Variants in PBX3 observed in about 807,000 individuals in gnomAD.
PBX3 encodes the protein PBX homeobox 3.
In PBX3, 14 loss-of-function variants were observed where a neutral mutation model predicts 48.5. The observed-to-expected ratio is 0.29, with a 90% CI of 0.19 to 0.45. The LOEUF is 0.45. Among genes scored for constraint, PBX3 ranks in the 20% least tolerant of loss-of-function variants. The pLI is 1.00. For synonymous variants in PBX3, 210 were observed against 200.3 expected (o/e 1.05, Z -0.41); for missense variants, 386 against 546.7 (o/e 0.71, Z 2.93).
chr9:125,754,820 T>C (rs1340089967), intron 2 of PBX3, among the ~76,000 whole-genome samples: 2 of 144,704 alleles, frequency 1.4e-5, no homozygotes, highest in East Asian at 3.8e-4. Flanking sequence ...TGAATTGGCG[T>C]AACTTTTTTT....
intron 5 of PBX3, among the ~76,000 whole-genome samples, chr9:125,947,846 T>G (rs1842098470): frequency 6.6e-6 from 1 of 152,172 alleles, no homozygotes; most frequent in South Asian, 2.1e-4. Context: ...AAAGAAAGTT[T>G]GTGTTGATCT....
At chr9:125,925,406 A>C (rs1315051105) in intron 3 of PBX3, among the ~76,000 whole-genome samples, 1 of 152,142 alleles carries the variant, frequency 6.6e-6, no homozygotes, top group Non-Finnish European at 1.5e-5. Context: ...AGTACAAAAA[A>C]GGAATGAAAT....
At chr9:125,888,673 ACTG>A (rs1741554516) in intron 2 of PBX3, among the ~76,000 whole-genome samples, 1 of 152,138 alleles carries the variant, frequency 6.6e-6, no homozygotes, top group Non-Finnish European at 1.5e-5. Context: ...CATTAATGAA[ACTG>A]GTAATTAATT....
At chr9:125,926,317 C>T (rs1435316741) in intron 3 of PBX3, among the ~76,000 whole-genome samples, 3 of 151,546 alleles carry the variant, frequency 2.0e-5, no homozygotes, top group Admixed American at 6.6e-5. Context: ...GTCAGGAGTT[C>T]GAGACCAGCC....
chr9:125,922,621 T>C (rs1841480673), intron 3 of PBX3, among the ~76,000 whole-genome samples: 1 of 152,228 alleles, frequency 6.6e-6, no homozygotes, highest in African/African-American at 2.4e-5. Flanking sequence ...TAAGATATGA[T>C]AAATGTTTGA....
At chr9:125,861,657 T>C (rs988346196) in intron 2 of PBX3, among the ~76,000 whole-genome samples, 4 of 152,348 alleles carry the variant, frequency 2.6e-5, no homozygotes, top group African/African-American at 9.6e-5. Context: ...GAAGTATTGA[T>C]ACATGCTACA....
intron 2 of PBX3, among the ~76,000 whole-genome samples, chr9:125,849,372 A>C (rs917851846): frequency 1.1e-4 from 17 of 151,988 alleles, no homozygotes; most frequent in African/African-American, 4.1e-4. Flanking sequence ...GATTTAAAAA[A>C]AAAAAAGGAA....
intron 2 of PBX3, among the ~76,000 whole-genome samples, chr9:125,813,729 C>T (rs73667072): frequency 0.019 from 2,839 of 152,104 alleles, 108 homozygotes; most frequent in African/African-American, 0.065. Context: ...TGGAATCAAC[C>T]GTTTCTTTAA....
intron 5 of PBX3, among the ~76,000 whole-genome samples, chr9:125,942,067 A>T (rs1274052829): frequency 6.6e-6 from 1 of 152,244 alleles, no homozygotes; most frequent in Non-Finnish European, 1.5e-5. Flanking sequence ...TAAAGAGGCA[A>T]ATAAGACCTG....
rs933096086 is a variant in PBX3 at position 125,848,121 on chromosome 9, T to C, written c.275-67565T>C. On this transcript the variant is annotated intron_variant, in intron 2 of 8. Coordinates refer to ENST00000373489, the MANE Select transcript of PBX3 (RefSeq NM_006195.6). ...GTGTGAAATATTTCCATCTCTGCTT[T>C]AGAGAACAGATCTCTCTGGAGAACC... Among the ~76,000 whole-genome samples the C allele has an allele frequency of 3.6e-4, 55 of 152,146 alleles. 1 individual carries two copies. Among genetic ancestry groups the C allele is most frequent in the African/African-American group, 1.3e-3 (53 of 41,546 alleles).
At chr9:125,767,665 C>T (rs1229288577) in intron 2 of PBX3, among the ~76,000 whole-genome samples, 2 of 152,160 alleles carry the variant, frequency 1.3e-5, no homozygotes, top group Non-Finnish European at 2.9e-5. Flanking sequence ...ATTCATGGAT[C>T]CCTCATGGAT....
chr9:125,925,527 C>T (rs569982142), intron 3 of PBX3, among the ~76,000 whole-genome samples: 2 of 152,256 alleles, frequency 1.3e-5, no homozygotes, highest in South Asian at 2.1e-4. Context: ...AATCTCAGCT[C>T]ACTGCAGCCT....
intron 3 of PBX3, among the ~76,000 whole-genome samples, chr9:125,921,283 C>T (rs1338297697): frequency 1.3e-5 from 2 of 151,798 alleles, no homozygotes; most frequent in Non-Finnish European, 2.9e-5. Flanking sequence ...ACCACAAGCT[C>T]GATTAATAAA....
intron 2 of PBX3, among the ~76,000 whole-genome samples, chr9:125,784,407 C>T (rs879881042): frequency 3.3e-5 from 5 of 152,086 alleles, no homozygotes; most frequent in African/African-American, 1.2e-4. Flanking sequence ...GGGATTAGAG[C>T]TGTGAGCCAC....
chr9:125,850,999 C>T (rs926011233), intron 2 of PBX3, among the ~76,000 whole-genome samples: 1 of 151,962 alleles, frequency 6.6e-6, no homozygotes, highest in African/African-American at 2.4e-5. Flanking sequence ...GTCTTCTGGC[C>T]TTGGTTGCAT....
At chr9:125,950,551 C>T (rs1160641316) in intron 5 of PBX3, among the ~76,000 whole-genome samples, 2 of 149,302 alleles carry the variant, frequency 1.3e-5, no homozygotes, top group African/African-American at 2.5e-5. Flanking sequence ...CTGATTTTGG[C>T]TCACTGCAAC....
At chr9:125,899,054 CTG>C (rs1171271149) in intron 2 of PBX3, among the ~76,000 whole-genome samples, 1 of 150,898 alleles carries the variant, frequency 6.6e-6, no homozygotes, top group Non-Finnish European at 1.5e-5. Flanking sequence ...AAAGAAACAT[CTG>C]TGGTGTTGAA....
chr9:125,761,702 A>G (rs1185949589), intron 2 of PBX3, among the ~76,000 whole-genome samples: 3 of 152,272 alleles, frequency 2.0e-5, no homozygotes, highest in African/African-American at 4.8e-5. Flanking sequence ...AGGCAGCACT[A>G]TGTGTTTTTA....
At chr9:125,833,814 AT>A (rs1330825753) in intron 2 of PBX3, among the ~76,000 whole-genome samples, 1 of 152,194 alleles carries the variant, frequency 6.6e-6, no homozygotes, top group Non-Finnish European at 1.5e-5. Context: ...ATATTTGTGT[AT>A]AAGTTTTTGT....
Sources: gnomAD v4.1 joint callset for allele counts (sites outside exome capture counted in the v4.1 genomes callset) on GRCh38, gnomAD v4.1.1 for gene constraint, MANE v1.5 for transcripts, NCBI Gene and HGNC (gene_info 2026-07-23, HGNC 2026-07-21) for gene names.